Variants in BARD1 observed in about 807,000 individuals in gnomAD.
The protein encoded by BARD1 is BRCA1 associated RING domain 1.
BARD1 carries 73 observed loss-of-function variants against 77.0 expected under a neutral mutation model. The observed-to-expected ratio is 0.95, with a 90% CI of 0.79 to 1.15. The LOEUF (loss-of-function observed/expected upper bound fraction) is 1.15. Among genes scored for constraint, BARD1 ranks in the 50% most tolerant of loss-of-function variants. BARD1 has a pLI of 0.00. For missense variants in BARD1, 993 were observed against 938.8 expected (o/e 1.06, Z -0.75); for synonymous variants, 384 against 338.0 (o/e 1.14, Z -1.49).
rs546077003 is a variant in BARD1, at chr2:214,728,873, C to A, written c.2137G>T (p.Val713Leu). Residue 713 changes from valine to leucine, a missense_variant, in exon 11 of 11, where the codon GTG becomes TTG. Coordinates refer to ENST00000260947, the MANE Select transcript of BARD1 (RefSeq NM_000465.4). ...LSRKPKPDSD[V>L]TQTINTVAYH... The stretch of plus-strand genomic sequence containing the variant: ...GCGACTGTATTGATGGTCTGAGTCA[C>A]GTCACTGTCTGGCTTGGGCTTTCTA... 1.2e-6 allele frequency: 2 copies of A among 1,614,186 alleles called. No homozygotes were observed. The highest frequency in any genetic ancestry group is 2.7e-5 in the African/African-American group (2 of 75,038).
intron 4 of BARD1, among the ~76,000 whole-genome samples, chr2:214,775,038 C>T (rs1046829264): frequency 6.6e-6 from 1 of 152,160 alleles, no homozygotes; most frequent in Admixed American, 6.5e-5. Flanking sequence ...TTGGTTTGAT[C>T]ATCTATCCAG....
chr2:214,742,629 T>C (rs1692894530), intron 9 of BARD1, among the ~76,000 whole-genome samples: 1 of 152,180 alleles, frequency 6.6e-6, no homozygotes, highest in South Asian at 2.1e-4. Context: ...ACTATTAAGT[T>C]AGTCCGAGTC....
chr2:214,804,015 C>T (rs973602388), intron 1 of BARD1, among the ~76,000 whole-genome samples: 1 of 152,128 alleles, frequency 6.6e-6, no homozygotes, highest in African/African-American at 2.4e-5. Context: ...TAGAATGGCT[C>T]CCCTGTATCT....
intron 7 of BARD1, among the ~76,000 whole-genome samples, chr2:214,751,465 T>G (rs1693449843): frequency 6.6e-6 from 1 of 151,790 alleles, no homozygotes. Context: ...ACCTGGCCTT[T>G]CTGTGAAATT....
chr2:214,768,799 C>T lies in BARD1; in HGVS notation c.1395+433G>A, dbSNP rs113865175. Among the ~76,000 whole-genome samples the T allele has an allele frequency of 7.1e-3, 1,084 of 152,316 alleles. 9 individuals carry two copies. Among genetic ancestry groups the T allele is most frequent in the Middle Eastern group, 0.01 (3 of 294 alleles). On this transcript the variant is annotated intron_variant, in intron 5 of 10. Coordinates refer to ENST00000260947, the MANE Select transcript of BARD1 (RefSeq NM_000465.4). ...AGATTTCTACTGCCTTATATATCTA[C>T]AATTGGATAGGGTATAAGTGAGGCT... is the stretch of plus-strand genomic sequence containing the variant.
chr2:214,795,273 C>A (rs1448678723), intron 2 of BARD1, among the ~76,000 whole-genome samples: 1 of 152,090 alleles, frequency 6.6e-6, no homozygotes, highest in African/African-American at 2.4e-5. Flanking sequence ...AAGTACATTT[C>A]ACGTGGAAGA....
At chr2:214,739,390 A>C (rs969015684) in intron 9 of BARD1, among the ~76,000 whole-genome samples, 4 of 152,210 alleles carry the variant, frequency 2.6e-5, no homozygotes, top group Admixed American at 1.3e-4. Context: ...AGTAAAATAA[A>C]AATTAAAGAA....
At chr2:214,736,142 C>A (rs1255609728) in intron 9 of BARD1, among the ~76,000 whole-genome samples, 1 of 151,918 alleles carries the variant, frequency 6.6e-6, no homozygotes, top group Non-Finnish European at 1.5e-5. Context: ...AATAACCACT[C>A]ACTGAATTAA....
intron 1 of BARD1, among the ~76,000 whole-genome samples, chr2:214,807,835 AG>A (rs1384096816): frequency 6.6e-6 from 1 of 152,242 alleles, no homozygotes; most frequent in Non-Finnish European, 1.5e-5. Context: ...GCTTCCACAT[AG>A]GTATGTGCCA....
chr2:214,741,470 C>A (rs1692824851), intron 9 of BARD1, among the ~76,000 whole-genome samples: 1 of 152,122 alleles, frequency 6.6e-6, no homozygotes, highest in Non-Finnish European at 1.5e-5. Flanking sequence ...ACAGTTTCAT[C>A]TTATTCATAC....
intron 6 of BARD1, among the ~76,000 whole-genome samples, chr2:214,759,178 C>T (rs190389655): frequency 7.2e-4 from 109 of 152,150 alleles, no homozygotes; most frequent in African/African-American, 2.1e-3. Context: ...GGCAGTGGGA[C>T]AATTAATAGG....
chr2:214,728,728 C>T lies in BARD1; in HGVS notation c.2282G>A (p.Ser761Asn), dbSNP rs142155101. 1,809 of 1,614,198 alleles carry T rather than the reference C, an allele frequency of 1.1e-3. 3 individuals are homozygous for T. The highest frequency in any genetic ancestry group is 8.7e-4 in the Non-Finnish European group (1,024 of 1,180,030). Residue 761 changes from serine to asparagine, a missense_variant, in exon 11 of 11, where the codon AGC (serine) becomes AAC (asparagine). Physicochemically the swap from Ser to Asn is conservative, Grantham distance 46. Transcript: ENST00000260947. Reference protein sequence around the residue: ...RQGKVWKAPSSWFIDCVMSFE... With the variant: ...RQGKVWKAPSNWFIDCVMSFE... ...GGACATCACACAGTCTATAAACCAG[C>T]TCGAAGGAGCCTTCCAGACTTTGCC...
intron 7 of BARD1, among the ~76,000 whole-genome samples, chr2:214,750,491 T>C (rs1412238571): frequency 6.6e-6 from 1 of 152,174 alleles, no homozygotes; most frequent in Non-Finnish European, 1.5e-5. Context: ...TATGCCTCCT[T>C]GTCTCTGAGC....
At chr2:214,797,338 T>C (rs1411669326) in intron 1 of BARD1, among the ~76,000 whole-genome samples, 2 of 152,210 alleles carry the variant, frequency 1.3e-5, no homozygotes, top group African/African-American at 4.8e-5. Context: ...GGGTACAAGT[T>C]GTAATACATT....
chr2:214,740,597 C>T (rs6709391), intron 9 of BARD1, among the ~76,000 whole-genome samples: 54,357 of 151,686 alleles, frequency 0.36, 10,460 homozygotes, highest in East Asian at 0.57. Flanking sequence ...TTAAACAATT[C>T]TATTTTTCAT....
chr2:214,801,741 T>C (rs1025667653), intron 1 of BARD1, among the ~76,000 whole-genome samples: 1 of 147,328 alleles, frequency 6.8e-6, no homozygotes, highest in African/African-American at 2.5e-5. Flanking sequence ...ATTAATTACA[T>C]AAACCAAATT....
chr2:214,780,862 T>C lies in BARD1; in HGVS notation c.1012A>G (p.Thr338Ala), dbSNP rs2106109251. ...TCTCCACTGGTGCTCAGAATGCTGG[T>C]TCTACATCTCTTAGAAATGGGACTG... ...LSSPISKRCR[T>A]SILSTSGDFV... The change falls in exon 4 of 11, where the codon ACC (threonine) becomes GCC (alanine). Residue 338 changes from threonine (T) to alanine (A), a missense_variant. Physicochemically the swap from Thr to Ala is moderately conservative, Grantham distance 58 (BLOSUM62 0). Coordinates refer to ENST00000260947, the MANE Select transcript of BARD1 (RefSeq NM_000465.4). 6.2e-7 allele frequency: 1 copy of C among 1,614,154 alleles called. No individual in the cohort carries two copies. The highest frequency in any genetic ancestry group is 8.5e-7 in the Non-Finnish European group (1 of 1,180,000).
chr2:214,764,456 A>C (rs1203146228), intron 6 of BARD1, among the ~76,000 whole-genome samples: 3 of 152,218 alleles, frequency 2.0e-5, no homozygotes, highest in Non-Finnish European at 4.4e-5. Flanking sequence ...ATTCTAGACA[A>C]TGCAAAGACA....
intron 4 of BARD1, among the ~76,000 whole-genome samples, chr2:214,778,198 G>A (rs1218340175): frequency 9.9e-5 from 14 of 141,590 alleles, no homozygotes; most frequent in Admixed American, 7.3e-4. Flanking sequence ...TCTGTCCCCC[G>A]CCCCTCCCCC....
Sources: allele counts gnomAD v4.1 joint callset (sites outside exome capture counted in the v4.1 genomes callset), GRCh38; gene constraint gnomAD v4.1.1; transcripts MANE v1.5; gene names NCBI Gene and HGNC (gene_info 2026-07-23, HGNC 2026-07-21).